LIMCH1: variants seen among roughly 807,000 people sequenced by gnomAD.
LIMCH1 encodes LIM and calponin homology domains 1.
LIMCH1 carries 113 observed loss-of-function variants against 176.5 expected under a neutral mutation model. The observed-to-expected ratio is 0.64, with a 90% CI of 0.55 to 0.75. The LOEUF is 0.75. Ranked by LOEUF, LIMCH1 falls within the 30% of genes least tolerant of loss-of-function variation. The pLI is 0.00. For synonymous variants in LIMCH1, 619 were observed against 645.9 expected (o/e 0.96, Z 0.63); for missense variants, 1,674 against 1,814.9 (o/e 0.92, Z 1.41).
intron 1 of LIMCH1, among the ~76,000 whole-genome samples, chr4:41,590,239 G>A (rs4408990): frequency 1.5e-3 from 223 of 152,002 alleles, no homozygotes; most frequent in African/African-American, 4.9e-3. Context: ...TCTAAGGTGC[G>A]CACCACCAGG....
chr4:41,361,621 C>T (rs1006145931), intron 1 of LIMCH1, among the ~76,000 whole-genome samples: 2 of 152,238 alleles, frequency 1.3e-5, no homozygotes, highest in Non-Finnish European at 2.9e-5. Flanking sequence ...ACGGGCTACC[C>T]GGTCTGGTTG....
At chr4:41,420,997 G>C (rs1048487984) in intron 1 of LIMCH1, among the ~76,000 whole-genome samples, 1 of 152,314 alleles carries the variant, frequency 6.6e-6, no homozygotes, top group East Asian at 1.9e-4. Context: ...TTTGTATAGC[G>C]TGTACACCTT....
At chr4:41,621,484 G>T in intron 7 of LIMCH1, among the ~76,000 whole-genome samples, 1 of 147,960 alleles carries the variant, frequency 6.8e-6, no homozygotes. Context: ...GAATTCCTTT[G>T]CCACTTGCTG....
intron 1 of LIMCH1, among the ~76,000 whole-genome samples, chr4:41,460,476 A>ATATATATATATATATATATATATATATC (rs965621988): frequency 9.1e-5 from 13 of 142,662 alleles, no homozygotes; most frequent in African/African-American, 3.0e-4. Flanking sequence ...ATATATATAT[A>ATATATATATATATATATATATATATATC]TATCTTATAA....
upstream of LIMCH1, chr4:41,359,753 C>T (rs560349616): frequency 2.6e-5 from 4 of 152,324 alleles, no homozygotes; most frequent in Admixed American, 2.6e-4. Flanking sequence ...CGTCTCTCTT[C>T]AGCTCACTGA....
At position 41,697,347 on chromosome 4, in the gene LIMCH1, T is replaced by C. The variant is rs537580497; in HGVS notation, c.*162T>C. On this transcript the variant is annotated 3_prime_UTR_variant, in exon 32 of 32. Transcript: ENST00000503057. ...CTGTTCTTTCGTAGCACAGTGTTTA[T>C]GTTTTTCCTGTTTATTGTTTTGGTT... 3.2e-6 allele frequency: 2 copies of C among 624,700 alleles called. No individual in the cohort carries two copies. The highest frequency in any genetic ancestry group is 5.4e-5 in the East Asian group (2 of 36,962). The allele number at this position is 624,700 out of a possible 1,614,324, so 38.7% of individuals were successfully genotyped here. A position where few individuals can be genotyped will look rare whatever the true frequency, so the allele number is the denominator to read the frequency against.
chr4:41,458,634 C>T lies in LIMCH1; in HGVS notation c.97-35902C>T, dbSNP rs180679781. Among the ~76,000 whole-genome samples, 1,168 of 141,698 alleles carry T rather than the reference C, an allele frequency of 8.2e-3. 11 individuals carry two copies. The highest frequency in any genetic ancestry group is 0.035 in the African/African-American group (1,127 of 31,894). The allele number at this position is 141,698 out of a possible 152,430, so 93.0% of individuals were successfully genotyped here. ...ACTAAAAATACAAAAATTAGCTGGG[C>T]GTGGTGGCATGCACCTGTAATCCCA... is the stretch of plus-strand genomic sequence containing the variant. On this transcript the variant is annotated intron_variant, in intron 1 of 26. Transcript: ENST00000313860.
rs57517524 is a variant in LIMCH1 at position 41,460,458 on chromosome 4, C to CTATATATATA, written c.97-34066_97-34057dup. Among the ~76,000 whole-genome samples, 448 of 110,524 alleles carry CTATATATATA rather than the reference C, an allele frequency of 4.1e-3. 20 individuals carry two copies. The highest frequency in any genetic ancestry group is 0.018 in the Admixed American group (206 of 11,456). The allele number at this position is 110,524 out of a possible 152,430, so 72.5% of individuals were successfully genotyped here. ...AAATTTGTTCCACTATAGTAATCATCTATATATATATATATATATATCTTA... is the reference window on the plus strand; with the variant it reads ...AAATTTGTTCCACTATAGTAATCATCTATATATATATATATATATATATATATATATCTTA... On this transcript the variant is annotated intron_variant, in intron 1 of 26. Transcript: ENST00000313860.
intron 1 of LIMCH1, among the ~76,000 whole-genome samples, chr4:41,367,703 A>G (rs1291267099): frequency 6.7e-6 from 1 of 150,288 alleles, no homozygotes; most frequent in African/African-American, 2.4e-5. Flanking sequence ...AAAAAAAAAA[A>G]AAAGGAAAGA....
At chr4:41,425,685 C>T (rs1447818911) in intron 1 of LIMCH1, among the ~76,000 whole-genome samples, 2 of 152,216 alleles carry the variant, frequency 1.3e-5, no homozygotes, top group Non-Finnish European at 2.9e-5. Context: ...CATCTCTTTT[C>T]TTTTGCCTGC....
In LIMCH1 at chr4:41,493,451, T is replaced by TAA. The variant is rs537414292; in HGVS notation, c.97-1073_97-1072dup. Among the ~76,000 whole-genome samples, 15 of 141,340 alleles carry TAA rather than the reference T, an allele frequency of 1.1e-4. No homozygotes were observed. The South Asian group carries it at 1.6e-3, about 15-fold the overall frequency. 92.7% of individuals were successfully genotyped at this position (141,340 alleles called of 152,430 possible). A position where few individuals can be genotyped will look rare whatever the true frequency, so the allele number is the denominator to read the frequency against. On this transcript the variant is annotated intron_variant, in intron 1 of 26. Coordinates refer to the LIMCH1 transcript ENST00000313860. ...TCAACTAACTGTGGACCAAAAATAT[T>TAA]AAAAAAAAAAAAAGCATCTGTTTTT...
chr4:41,408,370 C>T (rs12643401), intron 1 of LIMCH1, among the ~76,000 whole-genome samples: 87,111 of 152,004 alleles, frequency 0.57, 28,097 homozygotes, highest in East Asian at 0.82. Context: ...GGTTGGATTT[C>T]TCTGACTTTA....
At chr4:41,629,016 A>G (rs1328999705) in intron 8 of LIMCH1, among the ~76,000 whole-genome samples, 1 of 152,224 alleles carries the variant, frequency 6.6e-6, no homozygotes, top group Non-Finnish European at 1.5e-5. Context: ...TAATATGTGA[A>G]CAATGTTCCA....
chr4:41,624,090 C>T (rs886544129), intron 7 of LIMCH1, among the ~76,000 whole-genome samples: 1 of 152,200 alleles, frequency 6.6e-6, no homozygotes, highest in Admixed American at 6.5e-5. Context: ...TGCACTTCCC[C>T]TGAATTAAAA....
In LIMCH1 at chr4:41,613,543, C is replaced by G; in HGVS notation, c.87C>G (p.Ser29Arg). ...TCGACTGCTGGGATTCCGAGCGCAG[C>G]GACTCCCTCTCTCCTCCTCGCCACG... ...GYIDCWDSER[S>R]DSLSPPRHGR... The change falls in exon 5 of 32, where the codon AGC becomes AGG. Residue 29 changes from serine to arginine, a missense_variant. Physicochemically the swap from Ser to Arg is moderately radical, Grantham distance 110. Around this residue, in one of 3 missense-constraint regions of LIMCH1, gnomAD observed 655 missense variants for 692.2 expected, o/e 0.95. Coordinates refer to ENST00000503057, the MANE Select transcript of LIMCH1 (RefSeq NM_001330672.2). 1 of 1,614,044 alleles carries G rather than the reference C, an allele frequency of 6.2e-7. No homozygotes were observed. Among genetic ancestry groups the G allele is most frequent in the South Asian group, 1.1e-5 (1 of 91,052 alleles).
upstream of LIMCH1, among the ~76,000 whole-genome samples, chr4:41,535,162 C>CAAAAAAAAAAAAAA (rs61639965): frequency 7.0e-4 from 59 of 83,878 alleles, no homozygotes; most frequent in Non-Finnish European, 1.0e-3. Flanking sequence ...GACCCTGTCA[C>CAAAAAAAAAAAAAA]AAAAAAAAAA....
intron 29 of LIMCH1, among the ~76,000 whole-genome samples, chr4:41,689,192 T>TA (rs1237249493): frequency 1.4e-4 from 21 of 152,128 alleles, no homozygotes; most frequent in Non-Finnish European, 2.6e-4. Context: ...TTTTAGGACT[T>TA]ATAAAAAAAA....
chr4:41,497,470 A>G (rs566563668), intron 2 of LIMCH1, among the ~76,000 whole-genome samples: 21 of 152,316 alleles, frequency 1.4e-4, no homozygotes, highest in Middle Eastern at 6.8e-3. Flanking sequence ...ACTGAGGTAC[A>G]AAGGATTAAA....
chr4:41,394,829 A>G (rs1375166436), intron 1 of LIMCH1, among the ~76,000 whole-genome samples: 1 of 152,198 alleles, frequency 6.6e-6, no homozygotes, highest in African/African-American at 2.4e-5. Context: ...GGCATTTACA[A>G]ATGGTGCTCA....
Sources: allele counts gnomAD v4.1 joint callset (sites outside exome capture counted in the v4.1 genomes callset), GRCh38; gene constraint gnomAD v4.1.1; regional missense constraint gnomAD v4.1.1; transcripts MANE v1.5; gene names NCBI Gene and HGNC (gene_info 2026-07-23, HGNC 2026-07-21).